GIT2: variants seen among roughly 807,000 people sequenced by gnomAD.
GIT2 encodes the protein GIT ArfGAP 2, also known as ARF GTPase-activating protein GIT2.
In GIT2, 32 loss-of-function variants were observed where a neutral mutation model predicts 100.3. That is an observed-to-expected ratio of 0.32 (90% CI 0.24 to 0.43). GIT2 has a LOEUF of 0.43. GIT2 is among the 20% of genes least tolerant of loss of function. The probability of loss-of-function intolerance (pLI) is 1.00; values close to 1 mark genes in which losing one functional copy is unlikely to be tolerated. For missense variants in GIT2, 737 were observed against 975.1 expected, an observed-to-expected ratio of 0.76 and a Z score of 3.25; for synonymous variants, 353 against 364.1, an observed-to-expected ratio of 0.97 and a Z score of 0.35.
At chr12:109,951,804 A>G (rs993623019) in intron 13 of GIT2, among the ~76,000 whole-genome samples, 3 of 152,180 alleles carry the variant, frequency 2.0e-5, no homozygotes, top group African/African-American at 7.2e-5. Flanking sequence ...GTGGGAAAAG[A>G]TAAGACAGAG....
intron 3 of GIT2, 21 bp downstream of exon 3, chr12:109,989,669 A>G (rs1362305883): frequency 4.9e-6 from 6 of 1,218,420 alleles, no homozygotes; most frequent in Admixed American, 3.6e-5. Flanking sequence ...AAATAAAAGT[A>G]TTTATAAACA....
rs771738251 is a variant in GIT2, at chr12:109,938,329, C to T, written c.2003+51G>A. 55 of 1,348,668 alleles carry T rather than the reference C, an allele frequency of 4.1e-5. No homozygotes were observed. In the South Asian group the frequency reaches 6.9e-4, roughly 17 times the overall value. The allele number at this position is 1,348,668 out of a possible 1,614,324, so 83.5% of individuals were successfully genotyped here. On this transcript the variant is annotated intron_variant, in intron 18 of 19. Transcript: ENST00000355312. Reference sequence around the variant, plus strand: ...TTAGGAACATGGGCATCATCCCTTTCTGGGCGCATAACTCATGCTCTCCCA... The same window carrying T: ...TTAGGAACATGGGCATCATCCCTTTTTGGGCGCATAACTCATGCTCTCCCA...
chr12:109,986,760 G>A (rs747174448), intron 4 of GIT2, among the ~76,000 whole-genome samples: 31 of 151,364 alleles, frequency 2.0e-4, no homozygotes, highest in African/African-American at 7.3e-4. Context: ...GCAAGACTCC[G>A]TCTCAAAAAC....
chr12:109,999,826 G>T, upstream of GIT2: 1 of 1,475,990 alleles, frequency 6.8e-7, no homozygotes. This position sits in a 1 kb window ranked among gnomAD's most constrained non-coding sequence, Gnocchi z 4.3. Context: ...TGGGGACTTC[G>T]GGGAATCGGG....
chr12:109,978,114 G>A (rs371191178), intron 7 of GIT2, among the ~76,000 whole-genome samples: 7 of 122,236 alleles, frequency 5.7e-5, no homozygotes, highest in East Asian at 4.8e-4. Flanking sequence ...ACGGAGTTTC[G>A]CTCTGTTGCC....
chr12:109,961,642 T>A lies in GIT2; in HGVS notation c.860A>T (p.Asp287Val). The change falls in exon 10 of 20, where the codon GAT (aspartate) becomes GTT (valine). Residue 287 changes from aspartate to valine, a missense_variant. Asp to Val is a radical substitution (Grantham distance 152). This residue lies in a region of GIT2 where 266 missense variants were observed against 376.2 expected (regional missense o/e 0.71). Coordinates refer to ENST00000355312, the MANE Select transcript of GIT2 (RefSeq NM_057169.5). The part of the protein sequence containing the change: ...LFEELAMDVY[D>V]EVDRRETDAV... The stretch of plus-strand genomic sequence containing the variant: ...ATCCGTCTCTCGCCTGTCAACTTCA[T>A]CGTACACATCCATGGCAAGTTCTTC... 6.2e-7 allele frequency: 1 copy of A among 1,608,048 alleles called. No homozygotes were observed. Among genetic ancestry groups the A allele is most frequent in the Non-Finnish European group, 8.5e-7 (1 of 1,174,690 alleles).
chr12:109,974,513 G>A (rs563760493), intron 7 of GIT2, among the ~76,000 whole-genome samples: 11 of 152,288 alleles, frequency 7.2e-5, no homozygotes, highest in Non-Finnish European at 1.3e-4. Flanking sequence ...GCAACAGCGC[G>A]AGGCTCTGTT....
At chr12:109,955,213 T>G (rs1026594048) in intron 12 of GIT2, among the ~76,000 whole-genome samples, 2 of 152,054 alleles carry the variant, frequency 1.3e-5, no homozygotes, top group East Asian at 3.9e-4. Flanking sequence ...AAACTCCGCC[T>G]CCCGGTTTCA....
In GIT2 at chr12:109,932,888, T is replaced by C. The variant is rs1423610333; in HGVS notation, c.*90A>G. The C allele has an allele frequency of 1.3e-6, 1 of 766,966 alleles. No individual in the cohort carries two copies. The highest frequency in any genetic ancestry group is 1.7e-5 in the African/African-American group (1 of 57,498). 47.5% of individuals were successfully genotyped at this position (766,966 alleles called of 1,614,324 possible). On this transcript the variant is annotated 3_prime_UTR_variant, in exon 20 of 20. Transcript: ENST00000355312. Reference sequence around the variant, plus strand: ...GTTTTAAACCGTCATTAAATGTTTCTTTTTGTAGAAATCTGAAGAGTTCTG... The same window carrying C: ...GTTTTAAACCGTCATTAAATGTTTCCTTTTGTAGAAATCTGAAGAGTTCTG...
chr12:109,933,287 A>C lies in GIT2; in HGVS notation c.2068-97T>G, dbSNP rs1872006564. ...TCTAAAGCAAACCAAGCTGCTCCCC[A>C]GAGTGAAAGGCGGTTTGGTCCTGCC... is the stretch of plus-strand genomic sequence containing the variant. On this transcript the variant is annotated intron_variant, in intron 19 of 19. Coordinates refer to ENST00000355312, the MANE Select transcript of GIT2 (RefSeq NM_057169.5). The surrounding 1 kb of genome is among the most constrained non-coding windows in gnomAD (Gnocchi z 4.5). 1 of 732,210 alleles carries C rather than the reference A, an allele frequency of 1.4e-6. No homozygotes were observed. Among genetic ancestry groups the C allele is most frequent in the South Asian group, 1.7e-5 (1 of 59,144 alleles). 45.4% of individuals were successfully genotyped at this position (732,210 alleles called of 1,614,324 possible).
chr12:109,952,138 C>T (rs1475890538), intron 13 of GIT2, among the ~76,000 whole-genome samples: 3 of 152,138 alleles, frequency 2.0e-5, no homozygotes, highest in Non-Finnish European at 4.4e-5. Flanking sequence ...TCATGTGGGC[C>T]GAAGAACTCC....
At position 109,953,184 on chromosome 12, in the gene GIT2, T is replaced by A; in HGVS notation, c.1150A>T (p.Ser384Cys). 6.2e-7 allele frequency: 1 copy of A among 1,613,852 alleles called. No homozygotes were observed. The highest frequency in any genetic ancestry group is 8.5e-7 in the Non-Finnish European group (1 of 1,179,698). ...KTINNQHSVESQDNDQPDYDS... is the reference protein window; with the variant it reads ...KTINNQHSVECQDNDQPDYDS... Reference sequence around the variant, plus strand: ...TAGTCGGGCTGATCGTTGTCTTGACTCTCAACGCTGTGCTGGTTATTGATG... The same window carrying A: ...TAGTCGGGCTGATCGTTGTCTTGACACTCAACGCTGTGCTGGTTATTGATG... Residue 384 changes from serine (S) to cysteine (C), a missense_variant, in exon 13 of 20, where the codon AGT (serine) becomes TGT (cysteine). Ser to Cys is a moderately radical substitution (Grantham distance 112, BLOSUM62 -1). Transcript: ENST00000355312.
At chr12:109,987,243 G>T (rs1593148043) in intron 4 of GIT2, among the ~76,000 whole-genome samples, 1 of 151,384 alleles carries the variant, frequency 6.6e-6, no homozygotes, top group Non-Finnish European at 1.5e-5. Flanking sequence ...AATTAGCCGG[G>T]TGTGGTGGTG....
At chr12:109,993,658 T>A (rs1420584060) in intron 1 of GIT2, among the ~76,000 whole-genome samples, 1 of 152,224 alleles carries the variant, frequency 6.6e-6, no homozygotes, top group African/African-American at 2.4e-5. Flanking sequence ...TAATGTTAGT[T>A]GTTATATCTT....
chr12:109,979,637 GAAGT>G (rs1214971279), intron 7 of GIT2, among the ~76,000 whole-genome samples: 6 of 152,126 alleles, frequency 3.9e-5, no homozygotes, highest in Non-Finnish European at 7.4e-5. Flanking sequence ...AGTCCTATCA[GAAGT>G]AAGACAAACA....
At chr12:109,999,838 G>A (rs1889857654), upstream of GIT2, 2 of 1,450,464 alleles carry the variant, frequency 1.4e-6, no homozygotes, top group East Asian at 2.7e-5. The surrounding 1 kb of genome is among the most constrained non-coding windows in gnomAD (Gnocchi z 4.3). Context: ...GGAATCGGGG[G>A]TCGTTTCGCC....
chr12:109,970,818 C>T (rs1486996557), intron 7 of GIT2, among the ~76,000 whole-genome samples: 1 of 152,208 alleles, frequency 6.6e-6, no homozygotes, highest in Non-Finnish European at 1.5e-5. Context: ...GAAATGAGGT[C>T]TCACTCTGTT....
intron 7 of GIT2, among the ~76,000 whole-genome samples, chr12:109,978,950 G>A (rs1362600988): frequency 6.6e-6 from 1 of 152,176 alleles, no homozygotes; most frequent in Non-Finnish European, 1.5e-5. Context: ...ATGAGACTCT[G>A]GGCCTTCTTT....
chr12:109,961,828 A>G (rs900001491), intron 9 of GIT2, 143 bp from the exon 10 acceptor site: 1 of 626,894 alleles, frequency 1.6e-6, no homozygotes, highest in Non-Finnish European at 2.9e-6. Context: ...AAACAGACAT[A>G]ACATTTTCAA....
Sources: gnomAD v4.1 joint callset for allele counts (sites outside exome capture counted in the v4.1 genomes callset) on GRCh38, gnomAD v4.1.1 for gene constraint, gnomAD v4.1.1 regional missense constraint, Gnocchi (gnomAD v3.1) non-coding constraint, MANE v1.5 for transcripts, NCBI Gene and HGNC (gene_info 2026-07-23, HGNC 2026-07-21) for gene names.